Variants in CFAP61 observed in about 807,000 individuals in gnomAD.
CFAP61 encodes cilia and flagella associated protein 61.
Under a neutral mutation model 135.6 loss-of-function variants are expected in CFAP61, and 107 were observed. That is an observed-to-expected ratio of 0.79 (90% confidence interval 0.67 to 0.93). The LOEUF is 0.93. CFAP61 is among the 40% of genes least tolerant of loss of function. The pLI is 0.00. For synonymous variants in CFAP61, 575 were observed against 578.5 expected, an observed-to-expected ratio of 0.99 and a Z score of 0.09; for missense variants, 1,507 against 1,556.2, an observed-to-expected ratio of 0.97 and a Z score of 0.53.
At chr20:20,114,787 C>T (rs2049024303) in intron 8 of CFAP61, among the ~76,000 whole-genome samples, 1 of 152,102 alleles carries the variant, frequency 6.6e-6, no homozygotes, top group African/African-American at 2.4e-5. Context: ...ATGGCATTAA[C>T]AGGCATCCTT....
At chr20:20,311,706 C>A (rs1332364242) in intron 25 of CFAP61, among the ~76,000 whole-genome samples, 1 of 152,066 alleles carries the variant, frequency 6.6e-6, no homozygotes, top group Non-Finnish European at 1.5e-5. Flanking sequence ...GAGAGAGAAG[C>A]TTGGAGATGT....
intron 19 of CFAP61, among the ~76,000 whole-genome samples, chr20:20,250,351 A>G (rs1183019284): frequency 2.0e-5 from 3 of 152,194 alleles, no homozygotes; most frequent in Non-Finnish European, 4.4e-5. Context: ...ACGTAGGGAG[A>G]GCTCATTACC....
At chr20:20,249,507 C>T (rs983597382) in intron 19 of CFAP61, among the ~76,000 whole-genome samples, 1 of 152,146 alleles carries the variant, frequency 6.6e-6, no homozygotes, top group Admixed American at 6.5e-5. Context: ...CCACTGTGCT[C>T]TAGGCTGGGT....
At chr20:20,157,273 A>C (rs750969463) in intron 9 of CFAP61, among the ~76,000 whole-genome samples, 1 of 152,210 alleles carries the variant, frequency 6.6e-6, no homozygotes, top group African/African-American at 2.4e-5. Flanking sequence ...GGGGTTTGCT[A>C]TGTTGGCCAG....
At chr20:20,309,855 T>C (rs1412182522) in intron 25 of CFAP61, among the ~76,000 whole-genome samples, 1 of 152,024 alleles carries the variant, frequency 6.6e-6, no homozygotes, top group Non-Finnish European at 1.5e-5. Context: ...ACAGAAATCA[T>C]GTTTTATTAG....
chr20:20,186,751 A>C lies in CFAP61; in HGVS notation c.1386-1179A>C, dbSNP rs909691188. On this transcript the variant is annotated intron_variant, in intron 13 of 26. Coordinates refer to ENST00000245957, the MANE Select transcript of CFAP61 (RefSeq NM_015585.4). ...GATACTTTGTTCATAATATGGAAGC[A>C]TGTATTAAAATTTAAGCACAGATGT... 5.3e-5 allele frequency among the ~76,000 whole-genome samples: 8 copies of C among 152,202 alleles called. 1 individual carries two copies. Among genetic ancestry groups the C allele is most frequent in the Non-Finnish European group, 1.2e-4 (8 of 68,040 alleles).
intron 9 of CFAP61, among the ~76,000 whole-genome samples, chr20:20,157,654 AAT>A (rs762248541): frequency 3.3e-5 from 5 of 152,216 alleles, no homozygotes; most frequent in Non-Finnish European, 7.3e-5. Context: ...AATTCAAACC[AAT>A]ATAACCTCTA....
chr20:20,176,236 C>T (rs2054618194), intron 13 of CFAP61, among the ~76,000 whole-genome samples: 2 of 152,112 alleles, frequency 1.3e-5, no homozygotes, highest in Non-Finnish European at 2.9e-5. Flanking sequence ...GAAATAGGAA[C>T]AATTTTACAC....
intron 17 of CFAP61, chr20:20,200,541 A>G (rs949417461): frequency 9.9e-5 from 20 of 201,840 alleles, no homozygotes; most frequent in Non-Finnish European, 1.7e-4. Context: ...ATACATACAC[A>G]CAGTTTTTTC....
intron 11 of CFAP61, among the ~76,000 whole-genome samples, chr20:20,165,897 T>C (rs1199471932): frequency 3.3e-5 from 5 of 152,260 alleles, no homozygotes; most frequent in African/African-American, 9.6e-5. Context: ...AGCCTTTCTA[T>C]ATTTGTTGCT....
intron 8 of CFAP61, among the ~76,000 whole-genome samples, chr20:20,137,659 C>T (rs1429382556): frequency 6.6e-6 from 1 of 152,200 alleles, no homozygotes; most frequent in Non-Finnish European, 1.5e-5. Flanking sequence ...GGCTCTTCCA[C>T]TGGCCTATAG....
At chr20:20,177,104 C>A (rs1201161261) in intron 13 of CFAP61, among the ~76,000 whole-genome samples, 1 of 151,852 alleles carries the variant, frequency 6.6e-6, no homozygotes, top group East Asian at 1.9e-4. Flanking sequence ...ATAAATATAA[C>A]CTTTTGGTTA....
rs766919114 is a variant in CFAP61, at chr20:20,199,782, C to T, written c.1812C>T (p.Tyr604=). 59 of 1,614,018 alleles carry T rather than the reference C, an allele frequency of 3.7e-5. No homozygotes were observed. Among genetic ancestry groups the T allele is most frequent in the Admixed American group, 2.8e-4 (17 of 60,004 alleles). Residue 604 remains tyrosine, a synonymous_variant, in exon 17 of 27, where the codon TAC becomes TAT. Coordinates refer to ENST00000245957, the MANE Select transcript of CFAP61 (RefSeq NM_015585.4). ...CTGTCTTTCAGTTCCAGAACCCCTA[C>T]GCCCACTCCCTGACATCTGCCCTTC... ...KSREGKFQNP[Y]AHSLTSALHY...
chr20:20,140,909 CT>C (rs1195846034), intron 8 of CFAP61, among the ~76,000 whole-genome samples: 1 of 146,504 alleles, frequency 6.8e-6, no homozygotes, highest in South Asian at 2.2e-4. Context: ...TTTATATGTT[CT>C]TTTTTTTTCC....
At chr20:20,078,422 A>T (rs1454934908) in intron 6 of CFAP61, among the ~76,000 whole-genome samples, 57 of 152,186 alleles carry the variant, frequency 3.7e-4, no homozygotes, top group Admixed American at 3.7e-3. Flanking sequence ...GAGTTGAGGG[A>T]TGAGGAGTTT....
rs549923065 is a variant in CFAP61 at position 20,181,320 on chromosome 20, A to C, written c.1386-6610A>C. On this transcript the variant is annotated intron_variant, in intron 13 of 26. Transcript: ENST00000245957. ...ACACACATAACCTTGTGTCTAAAAC[A>C]ATTCATCCACTCAATTTGGGATTGA... Among the ~76,000 whole-genome samples, 317 of 142,682 alleles carry C rather than the reference A, an allele frequency of 2.2e-3. 2 individuals are homozygous for C. The highest frequency in any genetic ancestry group is 7.8e-3 in the African/African-American group (301 of 38,626). The allele number at this position is 142,682 out of a possible 152,430, so 93.6% of individuals were successfully genotyped here.
At chr20:20,346,772 A>C (rs1399373688) in intron 26 of CFAP61, among the ~76,000 whole-genome samples, 2 of 152,250 alleles carry the variant, frequency 1.3e-5, no homozygotes, top group African/African-American at 4.8e-5. Flanking sequence ...ATATTAATAA[A>C]AGCAGAATTG....
At chr20:20,357,139 G>T in intron 26 of CFAP61, among the ~76,000 whole-genome samples, 1 of 121,726 alleles carries the variant, frequency 8.2e-6, no homozygotes, top group Non-Finnish European at 1.9e-5. Flanking sequence ...TCACACTGAG[G>T]GGAAGTGGTC....
chr20:20,225,839 T>C (rs1290149784), intron 17 of CFAP61, among the ~76,000 whole-genome samples: 1 of 152,200 alleles, frequency 6.6e-6, no homozygotes, highest in Non-Finnish European at 1.5e-5. Context: ...GTGTATTTGC[T>C]GTCAGCCTGC....
Sources: gnomAD v4.1 joint callset for allele counts (sites outside exome capture counted in the v4.1 genomes callset) on GRCh38, gnomAD v4.1.1 for gene constraint, MANE v1.5 for transcripts, NCBI Gene and HGNC (gene_info 2026-07-23, HGNC 2026-07-21) for gene names.